Variants in SMYD3 observed in about 807,000 individuals in gnomAD.
The protein encoded by SMYD3 is histone-lysine N-methyltransferase SMYD3.
SMYD3 carries 36 observed loss-of-function variants against 57.7 expected under a neutral mutation model. The ratio of observed to expected loss-of-function variants is 0.62; its 90% CI spans 0.48 to 0.82. SMYD3 has a LOEUF of 0.82. SMYD3 is among the 40% of genes least tolerant of loss of function. The pLI is 0.00. For missense variants in SMYD3, 515 were observed against 538.8 expected, an observed-to-expected ratio of 0.96 and a Z score of 0.44; for synonymous variants, 211 against 195.0, an observed-to-expected ratio of 1.08 and a Z score of -0.68.
chr1:245,955,241 G>A (rs1297797725), intron 5 of SMYD3, among the ~76,000 whole-genome samples: 16 of 127,140 alleles, frequency 1.3e-4, no homozygotes, highest in South Asian at 3.1e-4. Flanking sequence ...ACAGGTGCCC[G>A]CCGCCATACC....
Position 246,394,236 on chromosome 1 carries a change from CA to C in SMYD3, c.165-39143del, listed in dbSNP as rs2066619548. Among the ~76,000 whole-genome samples the C allele has an allele frequency of 3.3e-5, 5 of 152,298 alleles. No individual in the cohort carries two copies. The South Asian group carries it at 1.0e-3, about 32-fold the overall frequency. ...TGTAGTATGTATAACTGACAAAACC[CA>C]AGATCTCTAACACATTGGAATGTAA... is the stretch of plus-strand genomic sequence containing the variant. On this transcript the variant is annotated intron_variant, in intron 1 of 11. Transcript: ENST00000490107.
chr1:245,771,135 TATATATAC>T (rs1369874045), intron 10 of SMYD3, among the ~76,000 whole-genome samples: 1 of 150,528 alleles, frequency 6.6e-6, no homozygotes, highest in African/African-American at 2.4e-5. Flanking sequence ...TATATACATG[TATATATAC>T]ATACATACAT....
At chr1:246,501,929 C>A (rs563558844) in intron 1 of SMYD3, among the ~76,000 whole-genome samples, 1 of 152,168 alleles carries the variant, frequency 6.6e-6, no homozygotes, top group South Asian at 2.1e-4. Context: ...ACTTCCCTAG[C>A]GGTCCTTAAA....
At chr1:246,378,740 AAT>A (rs2066325812) in intron 1 of SMYD3, among the ~76,000 whole-genome samples, 1 of 99,420 alleles carries the variant, frequency 1.0e-5, no homozygotes, top group African/African-American at 4.0e-5. Context: ...TATTATATAT[AAT>A]TATATATAAT....
intron 5 of SMYD3, among the ~76,000 whole-genome samples, chr1:246,155,581 C>A (rs2062009457): frequency 6.6e-6 from 1 of 152,224 alleles, no homozygotes; most frequent in South Asian, 2.1e-4. Context: ...TACAATCATT[C>A]ACTTATTGGT....
intron 10 of SMYD3, among the ~76,000 whole-genome samples, chr1:245,798,829 C>A (rs1443762636): frequency 6.6e-6 from 1 of 152,066 alleles, no homozygotes; most frequent in East Asian, 1.9e-4. Context: ...CTCCCACTTT[C>A]TCTCATTCTT....
chr1:246,138,412 T>A (rs912999060), intron 5 of SMYD3, among the ~76,000 whole-genome samples: 2 of 151,902 alleles, frequency 1.3e-5, no homozygotes, highest in East Asian at 1.9e-4. Context: ...TAAACTATTT[T>A]AAAAATTTAT....
At chr1:246,221,128 A>C (rs2063247683) in intron 5 of SMYD3, among the ~76,000 whole-genome samples, 1 of 152,050 alleles carries the variant, frequency 6.6e-6, no homozygotes, top group Admixed American at 6.5e-5. Context: ...CAACGGAACA[A>C]CTAGCCAAAC....
At chr1:245,834,709 A>G (rs1190273379) in intron 10 of SMYD3, among the ~76,000 whole-genome samples, 8 of 152,174 alleles carry the variant, frequency 5.3e-5, no homozygotes, top group Non-Finnish European at 1.0e-4. Context: ...CACAGGGAGT[A>G]ATCACCATTT....
In SMYD3 at chr1:246,281,732, A is replaced by G. The variant is rs12085920; in HGVS notation, c.531+45469T>C. The stretch of plus-strand genomic sequence containing the variant: ...GCATAACCTATGCTTAGGCACTGAG[A>G]AAACAGTGGAGGAAAAGAAAGAAGA... On this transcript the variant is annotated intron_variant, in intron 5 of 11. Transcript: ENST00000490107. Among the ~76,000 whole-genome samples, 99 of 152,306 alleles carry G rather than the reference A, an allele frequency of 6.5e-4. 2 individuals are homozygous for G. Among genetic ancestry groups the G allele is most frequent in the African/African-American group, 2.3e-3 (97 of 41,572 alleles).
At chr1:246,066,550 G>A (rs991473149) in intron 5 of SMYD3, among the ~76,000 whole-genome samples, 10 of 152,136 alleles carry the variant, frequency 6.6e-5, no homozygotes, top group African/African-American at 2.4e-4. Flanking sequence ...ACAATGACCT[G>A]TGACCTAGAG....
At chr1:246,153,322 C>T (rs2061973140) in intron 5 of SMYD3, among the ~76,000 whole-genome samples, 1 of 151,642 alleles carries the variant, frequency 6.6e-6, no homozygotes, top group Admixed American at 6.6e-5. Flanking sequence ...CTGTCTCCTA[C>T]AGTCATAACC....
In SMYD3 at chr1:245,853,435, C is replaced by T. The variant is rs890595388; in HGVS notation, c.1076+5061G>A. ...TGGGTATGTGACGGCATCGAACGCGCGCTCAGGTCCTCCCACTGTAATACG... is the reference window on the plus strand; with the variant it reads ...TGGGTATGTGACGGCATCGAACGCGTGCTCAGGTCCTCCCACTGTAATACG... On this transcript the variant is annotated intron_variant, in intron 10 of 11. Coordinates refer to ENST00000490107, the MANE Select transcript of SMYD3 (RefSeq NM_001167740.2). Among the ~76,000 whole-genome samples, 14 of 152,178 alleles carry T rather than the reference C, an allele frequency of 9.2e-5. No homozygotes were observed. In the South Asian group the frequency reaches 1.2e-3, roughly 14 times the overall value.
At chr1:246,023,169 G>A (rs2059503674) in intron 5 of SMYD3, among the ~76,000 whole-genome samples, 1 of 152,168 alleles carries the variant, frequency 6.6e-6, no homozygotes, top group African/African-American at 2.4e-5. Flanking sequence ...GAACAGCTAA[G>A]AGACACAAGT....
At chr1:245,883,949 T>G (rs1285826710) in intron 8 of SMYD3, among the ~76,000 whole-genome samples, 1 of 152,174 alleles carries the variant, frequency 6.6e-6, no homozygotes, top group Non-Finnish European at 1.5e-5. Context: ...GTTTCATGAT[T>G]TTTTTTCCTT....
chr1:246,245,120 C>CTTTTTTTT (rs74163421), intron 5 of SMYD3, among the ~76,000 whole-genome samples: 5 of 122,966 alleles, frequency 4.1e-5, no homozygotes, highest in African/African-American at 6.1e-5. Context: ...CAGCTACTGC[C>CTTTTTTTT]TTTTTTTTTT....
At chr1:246,175,338 C>CAAAAAAGATAAAAA (rs1312451120) in intron 5 of SMYD3, among the ~76,000 whole-genome samples, 6 of 152,044 alleles carry the variant, frequency 3.9e-5, no homozygotes, top group Non-Finnish European at 7.4e-5. Context: ...GGAGATAAAA[C>CAAAAAAGATAAAAA]AAAAAGCACC....
rs1408484752 is a variant in SMYD3, at chr1:246,327,282, T to C, written c.450A>G (p.Thr150=). ...KKEGLRQLVM[T]FQHFMREEIQ... ...TTTCTTCTCTCATGAAATGTTGAAA[T>C]GTCATTACGAGTTGCCTGAGGCCCT... The change falls in exon 5 of 12, where the codon ACA becomes ACG. Residue 150 remains threonine, a synonymous_variant. Coordinates refer to ENST00000490107, the MANE Select transcript of SMYD3 (RefSeq NM_001167740.2). 13 of 1,614,146 alleles carry C rather than the reference T, an allele frequency of 8.1e-6. No individual in the cohort carries two copies. Among genetic ancestry groups the C allele is most frequent in the Non-Finnish European group, 1.1e-5 (13 of 1,179,994 alleles).
At chr1:246,261,009 C>T (rs1318495214) in intron 5 of SMYD3, among the ~76,000 whole-genome samples, 2 of 152,034 alleles carry the variant, frequency 1.3e-5, no homozygotes, top group South Asian at 2.1e-4. Flanking sequence ...CACAGAGTCT[C>T]GCCTTCTGGC....
Sources: allele counts gnomAD v4.1 joint callset (sites outside exome capture counted in the v4.1 genomes callset), GRCh38; gene constraint gnomAD v4.1.1; transcripts MANE v1.5; gene names NCBI Gene and HGNC (gene_info 2026-07-23, HGNC 2026-07-21).